Variants in TMEM108 observed in about 807,000 individuals in gnomAD.
TMEM108 encodes the protein cancer/testis antigen 124.
In TMEM108, 12 loss-of-function variants were observed where a neutral mutation model predicts 35.1. The observed-to-expected ratio is 0.34, with a 90% CI of 0.22 to 0.55. The LOEUF (loss-of-function observed/expected upper bound fraction) is 0.55. TMEM108 is among the 20% of genes least tolerant of loss of function. The probability of loss-of-function intolerance (pLI) is 0.89; values close to 1 mark genes in which losing one functional copy is unlikely to be tolerated. For missense variants in TMEM108, 680 were observed against 753.3 expected (o/e 0.90, Z 1.14); for synonymous variants, 287 against 308.6 (o/e 0.93, Z 0.73).
chr3:133,201,802 G>A (rs1347662632), intron 2 of TMEM108, among the ~76,000 whole-genome samples: 1 of 152,062 alleles, frequency 6.6e-6, no homozygotes, highest in Non-Finnish European at 1.5e-5. Context: ...TTATAATACT[G>A]TGGGTATATA....
chr3:133,309,615 G>A (rs1176173107), intron 3 of TMEM108, among the ~76,000 whole-genome samples: 1 of 140,356 alleles, frequency 7.1e-6, no homozygotes, highest in Non-Finnish European at 1.5e-5. Context: ...ATTTTGTTAT[G>A]TACCCAGTAG....
intron 2 of TMEM108, among the ~76,000 whole-genome samples, chr3:133,111,445 T>TTTGTGTG (rs1310915490): frequency 6.6e-6 from 1 of 152,136 alleles, no homozygotes; most frequent in Non-Finnish European, 1.5e-5. Context: ...TGAGTCTCTT[T>TTTGTGTG]AATTAGAGTG....
intron 2 of TMEM108, among the ~76,000 whole-genome samples, chr3:133,126,297 T>C (rs1435691209): frequency 2.0e-5 from 3 of 151,972 alleles, no homozygotes; most frequent in Non-Finnish European, 4.4e-5. Flanking sequence ...AAACCCCATC[T>C]CTACTAAAAA....
intron 3 of TMEM108, among the ~76,000 whole-genome samples, chr3:133,303,790 G>C (rs1309191734): frequency 6.6e-6 from 1 of 152,114 alleles, no homozygotes; most frequent in Non-Finnish European, 1.5e-5. Context: ...AATTTTAATT[G>C]ATTAAAAAAT....
At chr3:133,167,697 G>A (rs976557041) in intron 2 of TMEM108, among the ~76,000 whole-genome samples, 11 of 152,146 alleles carry the variant, frequency 7.2e-5, no homozygotes, top group Admixed American at 1.3e-4. Context: ...TGTGGGGCCC[G>A]CCGAGCCCAC....
At chr3:133,277,119 C>T (rs1043033433) in intron 3 of TMEM108, among the ~76,000 whole-genome samples, 8 of 151,208 alleles carry the variant, frequency 5.3e-5, no homozygotes, top group African/African-American at 2.0e-4. Flanking sequence ...AGATCGAACT[C>T]TGGACCAGAA....
chr3:133,319,006 T>C (rs929021082), intron 3 of TMEM108, among the ~76,000 whole-genome samples: 11 of 151,066 alleles, frequency 7.3e-5, no homozygotes, highest in Admixed American at 2.0e-4. Context: ...CTCAGCGCTG[T>C]TTGCAGGCCA....
chr3:133,242,839 GC>G (rs1946332435), intron 3 of TMEM108, among the ~76,000 whole-genome samples: 1 of 152,206 alleles, frequency 6.6e-6, no homozygotes, highest in Admixed American at 6.5e-5. Flanking sequence ...ACAGAACAGA[GC>G]CCAGGCTCTG....
chr3:133,374,746 G>GTTGT (rs1360751667), intron 3 of TMEM108, among the ~76,000 whole-genome samples: 1 of 152,004 alleles, frequency 6.6e-6, no homozygotes, highest in East Asian at 1.9e-4. Flanking sequence ...AATTTACTGG[G>GTTGT]TTGTTAAAAG....
intron 3 of TMEM108, among the ~76,000 whole-genome samples, chr3:133,371,297 T>A (rs1205243884): frequency 1.3e-5 from 2 of 152,206 alleles, no homozygotes; most frequent in African/African-American, 4.8e-5. Flanking sequence ...GTCACTTGTC[T>A]CTGCTCTCCC....
chr3:133,052,173 G>A (rs1012362507), intron 2 of TMEM108, among the ~76,000 whole-genome samples: 1 of 152,060 alleles, frequency 6.6e-6, no homozygotes, highest in Admixed American at 6.6e-5. Context: ...GAGTTTTGTA[G>A]TTTTCCTCAT....
chr3:133,279,479 C>A (rs1946883161), intron 3 of TMEM108, among the ~76,000 whole-genome samples: 1 of 152,234 alleles, frequency 6.6e-6, no homozygotes, highest in South Asian at 2.1e-4. Context: ...ACCCTGCTCA[C>A]CCTTGGGTAG....
chr3:133,356,472 T>C (rs1012647053), intron 3 of TMEM108, among the ~76,000 whole-genome samples: 18 of 152,004 alleles, frequency 1.2e-4, no homozygotes, highest in Non-Finnish European at 2.2e-4. Flanking sequence ...GAAAAAACAA[T>C]TCTAAAATTC....
At position 133,072,309 on chromosome 3, in the gene TMEM108, G is replaced by A. The variant is rs1576303567; in HGVS notation, c.-47+26289G>A. Among the ~76,000 whole-genome samples, 9 of 152,216 alleles carry A rather than the reference G, an allele frequency of 5.9e-5. 2 individuals are homozygous for A. Among genetic ancestry groups the A allele is most frequent in the Admixed American group, 5.9e-4 (9 of 15,284 alleles). On this transcript the variant is annotated intron_variant, in intron 2 of 5. Transcript: ENST00000321871. ...AGAATTAAGAAGTACTTATTATAAT[G>A]AATATGACACTGCTAAAACCTGTCA... is the stretch of plus-strand genomic sequence containing the variant.
chr3:133,238,394 A>G (rs913122770), intron 3 of TMEM108, among the ~76,000 whole-genome samples: 14 of 152,224 alleles, frequency 9.2e-5, no homozygotes, highest in African/African-American at 1.9e-4. Flanking sequence ...TTTAAGAGCC[A>G]CTGTTATTTT....
intron 2 of TMEM108, among the ~76,000 whole-genome samples, chr3:133,174,554 C>A (rs986136463): frequency 2.0e-5 from 3 of 152,176 alleles, no homozygotes; most frequent in African/African-American, 7.2e-5. Flanking sequence ...GCTGCTGATA[C>A]CCAGGGAAAC....
intron 3 of TMEM108, among the ~76,000 whole-genome samples, chr3:133,271,253 G>A (rs1183319368): frequency 6.6e-6 from 1 of 152,188 alleles, no homozygotes; most frequent in Non-Finnish European, 1.5e-5. Context: ...GGAAAGAGTT[G>A]GGAAACAGGA....
chr3:133,067,862 C>T (rs967184892), intron 2 of TMEM108, among the ~76,000 whole-genome samples: 1 of 151,848 alleles, frequency 6.6e-6, no homozygotes, highest in African/African-American at 2.4e-5. Context: ...GTTTACTTGT[C>T]TCACAGTTCT....
intron 2 of TMEM108, among the ~76,000 whole-genome samples, chr3:133,171,882 C>A (rs1437618055): frequency 1.3e-5 from 2 of 152,170 alleles, no homozygotes. Flanking sequence ...TTTAGAGAAT[C>A]AAGAAGTACC....
Sources: gnomAD v4.1 joint callset for allele counts (sites outside exome capture counted in the v4.1 genomes callset) on GRCh38, gnomAD v4.1.1 for gene constraint, MANE v1.5 for transcripts, NCBI Gene and HGNC (gene_info 2026-07-23, HGNC 2026-07-21) for gene names.